Variants in IL1RAPL1 observed in about 807,000 individuals in gnomAD.
IL1RAPL1 encodes interleukin-1 receptor accessory protein-like 1.
In IL1RAPL1, 3 loss-of-function variants were observed where a neutral mutation model predicts 48.4. That is an observed-to-expected ratio of 0.06 (90% confidence interval 0.03 to 0.16). The LOEUF is 0.16. Ranked by LOEUF, IL1RAPL1 falls within the 10% of genes least tolerant of loss-of-function variation. The pLI, the probability that IL1RAPL1 is intolerant of heterozygous loss-of-function variation, is 1.00. For missense variants in IL1RAPL1, 349 were observed against 530.6 expected (o/e 0.66, Z 3.36); for synonymous variants, 185 against 187.7 (o/e 0.99, Z 0.12).
intron 6 of IL1RAPL1, among the ~76,000 whole-genome samples, chrX:29,752,369 G>A (rs182800682): frequency 0.013 from 1,376 of 106,362 alleles, 10 homozygotes; most frequent in Non-Finnish European, 0.021. Flanking sequence ...TGCGGCATGC[G>A]CCTGTAGTCC....
At chrX:29,006,148 A>G (rs996253443) in intron 2 of IL1RAPL1, among the ~76,000 whole-genome samples, 6 of 110,830 alleles carry the variant, frequency 5.4e-5, no homozygotes, top group African/African-American at 1.3e-4. Context: ...AGTGAGGAAC[A>G]CCAGAAAATT....
At chrX:29,679,744 T>C (rs1926394584) in intron 6 of IL1RAPL1, among the ~76,000 whole-genome samples, 1 of 112,061 alleles carries the variant, frequency 8.9e-6, no homozygotes, top group Non-Finnish European at 1.9e-5. Flanking sequence ...AATAAGGTTT[T>C]TATGTAATGG....
intron 2 of IL1RAPL1, among the ~76,000 whole-genome samples, chrX:29,028,689 T>A (rs1477575965): frequency 9.0e-6 from 1 of 111,404 alleles, no homozygotes; most frequent in Non-Finnish European, 1.9e-5. Context: ...CTTAACACAA[T>A]AACACAATAT....
intron 2 of IL1RAPL1, among the ~76,000 whole-genome samples, chrX:29,149,096 G>A (rs1018348948): frequency 2.7e-5 from 3 of 110,712 alleles, no homozygotes; most frequent in Non-Finnish European, 5.7e-5. Flanking sequence ...AAAATATTTT[G>A]TAGACTCCCT....
chrX:28,924,716 G>A (rs747055419), intron 2 of IL1RAPL1, among the ~76,000 whole-genome samples: 3 of 112,160 alleles, frequency 2.7e-5, no homozygotes, highest in African/African-American at 6.5e-5. Flanking sequence ...TGGCTCTCAC[G>A]TGAAACATCC....
chrX:29,006,307 A>G (rs966845605), intron 2 of IL1RAPL1, among the ~76,000 whole-genome samples: 6 of 110,714 alleles, frequency 5.4e-5, no homozygotes, highest in Non-Finnish European at 1.1e-4. Context: ...TGAGGTCAGG[A>G]GTTCGAGACC....
chrX:29,268,674 A>G (rs1419748008), intron 2 of IL1RAPL1, among the ~76,000 whole-genome samples: 5 of 112,123 alleles, frequency 4.5e-5, no homozygotes, highest in African/African-American at 9.7e-5. Context: ...CCTCATGACA[A>G]TATGCTGGGA....
chrX:28,914,849 T>G (rs1185358781), intron 2 of IL1RAPL1, among the ~76,000 whole-genome samples: 1 of 112,355 alleles, frequency 8.9e-6, no homozygotes, highest in Non-Finnish European at 1.9e-5. Context: ...AACTAATCGC[T>G]TGGTAAAGAG....
intron 2 of IL1RAPL1, among the ~76,000 whole-genome samples, chrX:29,083,828 C>G (rs1011092123): frequency 2.7e-5 from 3 of 111,656 alleles, no homozygotes; most frequent in African/African-American, 9.8e-5. Context: ...AGAGAACAAA[C>G]TAAGAATTTT....
chrX:28,937,180 A>G (rs1924038373), intron 2 of IL1RAPL1, among the ~76,000 whole-genome samples: 1 of 111,846 alleles, frequency 8.9e-6, no homozygotes. Context: ...ACAATAAATA[A>G]CATTTGGCCT....
rs755453825 is a variant in IL1RAPL1 at position 29,955,231 on chromosome X, T to A, written c.1502T>A (p.Val501Glu). 9.1e-6 allele frequency: 11 copies of A among 1,209,029 alleles called. No homozygotes were observed. Among genetic ancestry groups the A allele is most frequent in the Non-Finnish European group, 1.2e-5 (11 of 894,787 alleles). The change falls in exon 11 of 11, where the codon GTG (valine) becomes GAG (glutamate). Residue 501 changes from valine to glutamate, a missense_variant. Transcript: ENST00000378993. ...GAAACCAGACTTCGAAATATGCTTG[T>A]GACTGGAGAAATTAAAGTGATTCTA... The part of the protein sequence containing the change: ...ELETRLRNML[V>E]TGEIKVILIE...
chrX:29,281,797 A>C (rs1409988046), intron 2 of IL1RAPL1, among the ~76,000 whole-genome samples: 1 of 112,342 alleles, frequency 8.9e-6, no homozygotes, highest in Non-Finnish European at 1.9e-5. Flanking sequence ...GCATAAAAGA[A>C]AGATGTATTA....
chrX:29,329,583 C>T lies in IL1RAPL1; in HGVS notation c.362+46366C>T, dbSNP rs191603097. On this transcript the variant is annotated intron_variant, in intron 3 of 10. Coordinates refer to ENST00000378993, the MANE Select transcript of IL1RAPL1 (RefSeq NM_014271.4). Reference sequence around the variant, plus strand: ...ATCCCAGCACTTCGGGAGGCTGAGGCGGGCAGATTATTTGAGGTCAGGAGT... The same window carrying T: ...ATCCCAGCACTTCGGGAGGCTGAGGTGGGCAGATTATTTGAGGTCAGGAGT... Among the ~76,000 whole-genome samples, 791 of 110,911 alleles carry T rather than the reference C, an allele frequency of 7.1e-3. 4 individuals carry two copies. The highest frequency in any genetic ancestry group is 0.021 in the African/African-American group (626 of 30,527).
chrX:28,706,953 C>T (rs967832688), intron 1 of IL1RAPL1, among the ~76,000 whole-genome samples: 3 of 111,919 alleles, frequency 2.7e-5, no homozygotes, highest in East Asian at 2.8e-4. Context: ...ATAAATAATT[C>T]GCTCATCTAA....
chrX:29,687,732 A>T (rs550285817), intron 6 of IL1RAPL1, among the ~76,000 whole-genome samples: 129 of 112,460 alleles, frequency 1.1e-3, no homozygotes, highest in Middle Eastern at 4.6e-3. Context: ...CACAATTTAC[A>T]CATATATGGA....
At chrX:29,832,705 G>T (rs112758465) in intron 6 of IL1RAPL1, among the ~76,000 whole-genome samples, 66 of 84,951 alleles carry the variant, frequency 7.8e-4, no homozygotes, top group African/African-American at 1.6e-3. Flanking sequence ...TTTTGTTTTT[G>T]TTTTTTTTTT....
intron 6 of IL1RAPL1, among the ~76,000 whole-genome samples, chrX:29,820,778 G>A (rs898078110): frequency 8.9e-6 from 1 of 112,062 alleles, no homozygotes; most frequent in Non-Finnish European, 1.9e-5. Context: ...AAGTATTAGA[G>A]TCAAGGCTTG....
intron 2 of IL1RAPL1, among the ~76,000 whole-genome samples, chrX:29,281,450 T>G (rs1374152469): frequency 9.0e-6 from 1 of 110,961 alleles, no homozygotes; most frequent in Non-Finnish European, 1.9e-5. Flanking sequence ...CAAGATGTCA[T>G]TTGGAAGATG....
chrX:28,760,658 C>A (rs1431321834), intron 1 of IL1RAPL1, among the ~76,000 whole-genome samples: 1 of 111,773 alleles, frequency 8.9e-6, no homozygotes, highest in Non-Finnish European at 1.9e-5. Flanking sequence ...AAATATACTT[C>A]AGTCTATTCA....
Sources: allele counts gnomAD v4.1 joint callset (sites outside exome capture counted in the v4.1 genomes callset), GRCh38; gene constraint gnomAD v4.1.1; transcripts MANE v1.5; gene names NCBI Gene and HGNC (gene_info 2026-07-23, HGNC 2026-07-21).